Variants in CSMD1 observed in about 807,000 individuals in gnomAD.
CSMD1 encodes the protein CUB and Sushi multiple domains 1.
In CSMD1, 213 loss-of-function variants were observed where a neutral mutation model predicts 417.5. That is an observed-to-expected ratio of 0.51 (90% confidence interval 0.46 to 0.57). CSMD1 has a LOEUF of 0.57. Ranked by LOEUF, CSMD1 falls within the 20% of genes least tolerant of loss-of-function variation. The pLI is 0.00. For synonymous variants in CSMD1, 2,862 were observed against 1,736.8 expected (o/e 1.65, Z -16.11); for missense variants, 6,923 against 4,529.7 (o/e 1.53, Z -15.17).
chr8:4,033,301 G>T (rs967406697), intron 3 of CSMD1, among the ~76,000 whole-genome samples: 9 of 152,074 alleles, frequency 5.9e-5, no homozygotes, highest in South Asian at 2.1e-4. Flanking sequence ...AATTAGCCGG[G>T]CGTGGTGGCG....
At chr8:3,628,409 C>T (rs912627387) in intron 7 of CSMD1, among the ~76,000 whole-genome samples, 3 of 152,194 alleles carry the variant, frequency 2.0e-5, no homozygotes, top group African/African-American at 4.8e-5. Context: ...GGGGACTTGG[C>T]CCAAATAGGG....
chr8:4,787,942 A>G (rs559863466), intron 1 of CSMD1: 30 of 1,594,878 alleles, frequency 1.9e-5, no homozygotes, highest in African/African-American at 8.0e-5. Flanking sequence ...GTAATTGACA[A>G]TGATTCCTGG....
At chr8:4,361,555 C>G (rs183662559) in intron 3 of CSMD1, among the ~76,000 whole-genome samples, 1 of 152,290 alleles carries the variant, frequency 6.6e-6, no homozygotes, top group African/African-American at 2.4e-5. Flanking sequence ...GTTAAAAAGT[C>G]GTAGAGTTCA....
intron 3 of CSMD1, among the ~76,000 whole-genome samples, chr8:4,323,471 AATGGG>A (rs1799381877): frequency 7.7e-6 from 1 of 130,358 alleles, no homozygotes; most frequent in African/African-American, 3.2e-5. Context: ...AACCATACAT[AATGGG>A]ACTAGGGCTT....
At chr8:4,228,229 C>T (rs779012094) in intron 3 of CSMD1, among the ~76,000 whole-genome samples, 9 of 152,196 alleles carry the variant, frequency 5.9e-5, no homozygotes, top group African/African-American at 1.9e-4. Context: ...ATTCCCTTCA[C>T]TGTAAAAATA....
At chr8:4,770,162 C>T (rs749667458) in intron 1 of CSMD1, among the ~76,000 whole-genome samples, 30 of 150,714 alleles carry the variant, frequency 2.0e-4, no homozygotes, top group Non-Finnish European at 3.5e-4. Context: ...AGATTCAATA[C>T]ATATTCCTAT....
At chr8:3,911,444 C>T (rs909819799) in intron 5 of CSMD1, among the ~76,000 whole-genome samples, 11 of 151,182 alleles carry the variant, frequency 7.3e-5, no homozygotes, top group African/African-American at 1.7e-4. Flanking sequence ...AGGAGAATGG[C>T]GTGAACCCGC....
intron 5 of CSMD1, among the ~76,000 whole-genome samples, chr8:3,819,092 G>A (rs1801565753): frequency 6.6e-6 from 1 of 152,196 alleles, no homozygotes; most frequent in Admixed American, 6.5e-5. Flanking sequence ...AGGCAGAGTA[G>A]AGAGAAAAGT....
intron 1 of CSMD1, among the ~76,000 whole-genome samples, chr8:4,650,709 CT>C (rs1401782892): frequency 1.3e-5 from 2 of 150,316 alleles, no homozygotes; most frequent in Non-Finnish European, 3.0e-5. Context: ...TTTTATTTTA[CT>C]GATTTCTAAT....
At chr8:3,194,773 T>G (rs1366708658) in intron 33 of CSMD1, among the ~76,000 whole-genome samples, 1 of 151,890 alleles carries the variant, frequency 6.6e-6, no homozygotes, top group African/African-American at 2.4e-5. Context: ...ACTGGCCTAA[T>G]TAACTATATT....
At chr8:4,779,304 A>G (rs4369004) in intron 1 of CSMD1, among the ~76,000 whole-genome samples, 14,146 of 152,122 alleles carry the variant, frequency 0.093, 877 homozygotes, top group East Asian at 0.33. Flanking sequence ...AATTTTCACA[A>G]TATATTTATT....
chr8:3,320,217 C>T (rs1293256463), intron 23 of CSMD1, among the ~76,000 whole-genome samples: 1 of 152,166 alleles, frequency 6.6e-6, no homozygotes, highest in Non-Finnish European at 1.5e-5. Context: ...GGGCCCGTGG[C>T]CCTGGCACTA....
chr8:4,286,226 C>T (rs1023920654), intron 3 of CSMD1, among the ~76,000 whole-genome samples: 19 of 152,130 alleles, frequency 1.2e-4, no homozygotes, highest in Admixed American at 3.9e-4. Flanking sequence ...TTCCTTCTTG[C>T]CAAGCTCCAT....
At position 4,358,498 on chromosome 8, in the gene CSMD1, T is replaced by G. The variant is rs538571754; in HGVS notation, c.415+61455A>C. Among the ~76,000 whole-genome samples the G allele has an allele frequency of 7.9e-5, 12 of 152,328 alleles. No homozygotes were observed. In the East Asian group the frequency reaches 1.9e-3, roughly 24 times the overall value. ...CCTTTCCACAAGGTGTATGTCTCCT[T>G]TTGCGATACCAGCAGAGCTCCGCAG... On this transcript the variant is annotated intron_variant, in intron 3 of 69. Transcript: ENST00000635120.
At chr8:4,500,732 A>G (rs1478367984) in intron 2 of CSMD1, among the ~76,000 whole-genome samples, 1 of 152,074 alleles carries the variant, frequency 6.6e-6, no homozygotes, top group Non-Finnish European at 1.5e-5. Context: ...TGTAAATTTT[A>G]CTTTTGGCCA....
intron 10 of CSMD1, among the ~76,000 whole-genome samples, chr8:3,502,593 G>A (rs1311107722): frequency 6.6e-6 from 1 of 152,142 alleles, no homozygotes; most frequent in East Asian, 1.9e-4. Flanking sequence ...ATTTTACCAA[G>A]TGAAACAAGC....
At chr8:4,345,738 ATCAGAACTATAATGTGCT>A (rs1412127514) in intron 3 of CSMD1, among the ~76,000 whole-genome samples, 2 of 152,072 alleles carry the variant, frequency 1.3e-5, no homozygotes, top group Non-Finnish European at 2.9e-5. Flanking sequence ...GAAAATGCAA[ATCAGAACTATAATGTGCT>A]ATCATCTCAA....
chr8:4,501,332 G>C lies in CSMD1; in HGVS notation c.303-81267C>G, dbSNP rs183334316. 3.5e-3 allele frequency among the ~76,000 whole-genome samples: 525 copies of C among 152,158 alleles called. 5 individuals are homozygous for C. The highest frequency in any genetic ancestry group is 0.018 in the South Asian group (87 of 4,824). On this transcript the variant is annotated intron_variant, in intron 2 of 69. Transcript: ENST00000635120. The stretch of plus-strand genomic sequence containing the variant: ...TGTTTTGTCTTAATGTAAGATTAAC[G>C]GTCATCATCTCATTTAAGGTATTCT...
chr8:4,905,793 C>G (rs897638716), intron 1 of CSMD1, among the ~76,000 whole-genome samples: 9 of 136,114 alleles, frequency 6.6e-5, no homozygotes, highest in East Asian at 4.9e-4. Flanking sequence ...GCACTCCAGC[C>G]TGGGCCACAG....
Sources: gnomAD v4.1 joint callset for allele counts (sites outside exome capture counted in the v4.1 genomes callset) on GRCh38, gnomAD v4.1.1 for gene constraint, MANE v1.5 for transcripts, NCBI Gene and HGNC (gene_info 2026-07-23, HGNC 2026-07-21) for gene names.